MAP3K7CL: variants seen among roughly 807,000 people sequenced by gnomAD.
MAP3K7CL encodes the protein MAP3K7 C-terminal like.
Under a neutral mutation model 18.6 loss-of-function variants are expected in MAP3K7CL, and 16 were observed. The ratio of observed to expected loss-of-function variants is 0.86; its 90% CI spans 0.58 to 1.31. The LOEUF (loss-of-function observed/expected upper bound fraction) is 1.31, where lower values mean the gene tolerates loss of function less well. MAP3K7CL is among the 50% of genes most tolerant of loss of function. MAP3K7CL has a pLI of 0.00. For missense variants in MAP3K7CL, 163 were observed against 174.4 expected (o/e 0.93, Z 0.37); for synonymous variants, 65 against 66.8 (o/e 0.97, Z 0.13).
At chr21:29,168,528 A>AAT (rs1461546881) in intron 4 of MAP3K7CL, among the ~76,000 whole-genome samples, 1 of 152,196 alleles carries the variant, frequency 6.6e-6, no homozygotes, top group Non-Finnish European at 1.5e-5. Flanking sequence ...AGTATCCCAG[A>AAT]TGCCATCAGG....
chr21:29,117,490 T>C (rs1442653627), intron 4 of MAP3K7CL, among the ~76,000 whole-genome samples: 1 of 152,260 alleles, frequency 6.6e-6, no homozygotes, highest in East Asian at 1.9e-4. Flanking sequence ...AGCAAAATGC[T>C]GTTTGTATTG....
chr21:29,162,401 G>T lies in MAP3K7CL; in HGVS notation c.248+2345G>T, dbSNP rs1404592963. Among the ~76,000 whole-genome samples the T allele has an allele frequency of 2.6e-5, 4 of 151,780 alleles. No individual in the cohort carries two copies. The East Asian group carries it at 7.7e-4, about 29-fold the overall frequency. Reference sequence around the variant, plus strand: ...TTGCATTAAAAAAAATATGGTAGGGGCCAGACGCAGTGTCTCACACCTGTA... The same window carrying T: ...TTGCATTAAAAAAAATATGGTAGGGTCCAGACGCAGTGTCTCACACCTGTA... On this transcript the variant is annotated intron_variant, in intron 4 of 4. Coordinates refer to ENST00000399928, the MANE Select transcript of MAP3K7CL (RefSeq NM_001286620.2).
intron 4 of MAP3K7CL, among the ~76,000 whole-genome samples, chr21:29,170,800 C>T (rs1285591290): frequency 1.3e-5 from 2 of 151,646 alleles, no homozygotes; most frequent in South Asian, 2.1e-4. Context: ...CACCATGCCT[C>T]GCTAATTTTT....
At chr21:29,147,981 A>G (rs1187415288) in intron 2 of MAP3K7CL, among the ~76,000 whole-genome samples, 2 of 151,688 alleles carry the variant, frequency 1.3e-5, no homozygotes, top group Non-Finnish European at 2.9e-5. Context: ...GTGTATGTGC[A>G]TGTGTACTGT....
At chr21:29,112,382 T>G (rs974720748) in intron 4 of MAP3K7CL, among the ~76,000 whole-genome samples, 1 of 152,198 alleles carries the variant, frequency 6.6e-6, no homozygotes, top group Non-Finnish European at 1.5e-5. Context: ...CACTCTTCAA[T>G]CCTTACAGCA....
intron 4 of MAP3K7CL, among the ~76,000 whole-genome samples, chr21:29,100,776 G>A (rs1455917153): frequency 1.6e-5 from 2 of 125,992 alleles, no homozygotes; most frequent in Non-Finnish European, 3.1e-5. Context: ...GCAATGGCAC[G>A]ATCTCGGCTC....
Position 29,104,175 on chromosome 21 carries a change from C to G in MAP3K7CL, c.370+11594C>G, listed in dbSNP as rs369544260. 7.2e-5 allele frequency among the ~76,000 whole-genome samples: 11 copies of G among 152,216 alleles called. No homozygotes were observed. In the East Asian group the frequency reaches 1.9e-3, roughly 27 times the overall value. ...GTATCAGGCCTTGTGTCCCATGAGG[C>G]TCTGCTGCTCAAAGGGTGGTCCTTG... On this transcript the variant is annotated intron_variant, in intron 4 of 6. Transcript: ENST00000286791.
intron 4 of MAP3K7CL, among the ~76,000 whole-genome samples, chr21:29,170,097 AT>A (rs2087787955): frequency 6.6e-6 from 1 of 152,232 alleles, no homozygotes; most frequent in African/African-American, 2.4e-5. Context: ...CAGATCATCT[AT>A]TTATAAGATT....
chr21:29,088,027 A>G (rs916492737), intron 1 of MAP3K7CL, among the ~76,000 whole-genome samples: 4 of 152,172 alleles, frequency 2.6e-5, no homozygotes, highest in African/African-American at 9.7e-5. Context: ...ATTTTAATCT[A>G]CTCACTAAGT....
At chr21:29,113,097 A>G (rs1233817104) in intron 4 of MAP3K7CL, among the ~76,000 whole-genome samples, 2 of 152,016 alleles carry the variant, frequency 1.3e-5, no homozygotes, top group Non-Finnish European at 2.9e-5. Flanking sequence ...GCCCGGCCCC[A>G]TTTATCTATA....
At chr21:29,113,950 G>A (rs2086462987) in intron 4 of MAP3K7CL, among the ~76,000 whole-genome samples, 1 of 152,148 alleles carries the variant, frequency 6.6e-6, no homozygotes, top group Non-Finnish European at 1.5e-5. Context: ...TAGAATAGCA[G>A]CTTCTGTGGT....
intron 2 of MAP3K7CL, among the ~76,000 whole-genome samples, chr21:29,140,886 T>G (rs763633002): frequency 3.7e-4 from 56 of 152,258 alleles, no homozygotes; most frequent in South Asian, 6.2e-4. Flanking sequence ...CAAACTATCC[T>G]CCCACCTCAG....
At chr21:29,128,492 C>T (rs1259327428), upstream of MAP3K7CL, among the ~76,000 whole-genome samples, 1 of 151,638 alleles carries the variant, frequency 6.6e-6, no homozygotes, top group Non-Finnish European at 1.5e-5. Context: ...TTAGTACAGA[C>T]GGGGTTTCAC....
chr21:29,110,866 A>G (rs967847723), intron 4 of MAP3K7CL, among the ~76,000 whole-genome samples: 1 of 152,110 alleles, frequency 6.6e-6, no homozygotes, highest in African/African-American at 2.4e-5. Context: ...CATGGATGCA[A>G]TATCTTAAAT....
upstream of MAP3K7CL, chr21:29,128,204 T>C (rs2086712477): frequency 6.6e-6 from 1 of 152,224 alleles, no homozygotes; most frequent in Non-Finnish European, 1.5e-5. Flanking sequence ...AGATGGCTAG[T>C]GTCAGATGAA....
At chr21:29,079,486 C>A (rs184099417) in intron 1 of MAP3K7CL, among the ~76,000 whole-genome samples, 1 of 152,356 alleles carries the variant, frequency 6.6e-6, no homozygotes, top group East Asian at 1.9e-4. Flanking sequence ...CCAGAAAGGT[C>A]TCTACGTGTT....
intron 3 of MAP3K7CL, chr21:29,092,332 C>G (rs1360471377): frequency 7.7e-7 from 1 of 1,293,188 alleles, no homozygotes; most frequent in Non-Finnish European, 1.1e-6. Context: ...AAAGAGGAGG[C>G]AAGAGGTTTC....
chr21:29,134,024 A>G (rs1225063930), intron 2 of MAP3K7CL, among the ~76,000 whole-genome samples: 1 of 152,222 alleles, frequency 6.6e-6, no homozygotes, highest in Non-Finnish European at 1.5e-5. Context: ...CTTTTGAACA[A>G]AAGACCTCAT....
intron 2 of MAP3K7CL, among the ~76,000 whole-genome samples, chr21:29,144,182 C>T (rs1044454646): frequency 3.3e-5 from 5 of 150,368 alleles, no homozygotes; most frequent in Non-Finnish European, 4.4e-5. Context: ...GAGTCTAGCT[C>T]TGTTGCCCAG....
Sources: gnomAD v4.1 joint callset for allele counts (sites outside exome capture counted in the v4.1 genomes callset) on GRCh38, gnomAD v4.1.1 for gene constraint, MANE v1.5 for transcripts, NCBI Gene and HGNC (gene_info 2026-07-23, HGNC 2026-07-21) for gene names.